Variants in DYNC2H1 observed in about 807,000 individuals in gnomAD.
DYNC2H1 encodes the protein dynein cytoplasmic 2 heavy chain 1.
A neutral mutation model predicts 570.0 loss-of-function variants in DYNC2H1; 410 were observed. The observed-to-expected ratio is 0.72, with a 90% CI of 0.66 to 0.78. The LOEUF (loss-of-function observed/expected upper bound fraction) is 0.78. Ranked by LOEUF, DYNC2H1 falls within the 30% of genes least tolerant of loss-of-function variation. The pLI is 0.00. For synonymous variants in DYNC2H1, 1,688 were observed against 1,677.6 expected, an observed-to-expected ratio of 1.01 and a Z score of -0.15; for missense variants, 4,865 against 5,046.4, an observed-to-expected ratio of 0.96 and a Z score of 1.09.
intron 71 of DYNC2H1, among the ~76,000 whole-genome samples, chr11:103,281,716 C>CAAA (rs71066145): frequency 3.0e-4 from 39 of 129,134 alleles, no homozygotes; most frequent in East Asian, 1.1e-3. Flanking sequence ...AATTCTATGG[C>CAAA]AAAAAAAAAA....
chr11:103,343,642 G>A (rs11225737), intron 82 of DYNC2H1, among the ~76,000 whole-genome samples: 32,939 of 151,984 alleles, frequency 0.22, 3,706 homozygotes, highest in Admixed American at 0.31. Context: ...GACAAAAGGC[G>A]TCACTCTTCC....
intron 83 of DYNC2H1, among the ~76,000 whole-genome samples, chr11:103,380,468 TAC>T (rs761284696): frequency 2.4e-4 from 36 of 152,336 alleles, no homozygotes; most frequent in Non-Finnish European, 5.0e-4. Flanking sequence ...GTACAGGTAT[TAC>T]AGTCTTCTTT....
At chr11:103,296,967 G>A (rs1866857411) in intron 75 of DYNC2H1, among the ~76,000 whole-genome samples, 1 of 151,712 alleles carries the variant, frequency 6.6e-6, no homozygotes, top group Non-Finnish European at 1.5e-5. Context: ...CTTCTTGTCT[G>A]CATGTCTTCT....
At chr11:103,405,934 T>C (rs760627863) in intron 84 of DYNC2H1, 2 of 152,032 alleles carry the variant, frequency 1.3e-5, no homozygotes, top group Non-Finnish European at 2.9e-5. Context: ...TGATTTCTCA[T>C]GTTGAATTGC....
chr11:103,379,722 A>G (rs2671385), intron 83 of DYNC2H1, among the ~76,000 whole-genome samples: 102,987 of 152,034 alleles, frequency 0.68, 34,969 homozygotes, highest in Admixed American at 0.73. Flanking sequence ...TGAACAAACC[A>G]TGACAGATTC....
intron 65 of DYNC2H1, among the ~76,000 whole-genome samples, chr11:103,251,381 T>C (rs1470206226): frequency 6.7e-6 from 1 of 148,980 alleles, no homozygotes. Context: ...ATTCTTTAAC[T>C]TTCAACTTTT....
chr11:103,120,439 C>T lies in DYNC2H1; in HGVS notation c.1000-8C>T. 3 of 1,596,822 alleles carry T rather than the reference C, an allele frequency of 1.9e-6. No individual in the cohort carries two copies. The highest frequency in any genetic ancestry group is 1.7e-6 in the Non-Finnish European group (2 of 1,170,732). The stretch of plus-strand genomic sequence containing the variant: ...AATAAATTCTGTTGTTTTAATACTT[C>T]ATTTTAGGTCTTGGCTATTAGAACA... On this transcript the variant is annotated splice_polypyrimidine_tract_variant and splice_region_variant and intron_variant, in intron 6 of 88. Coordinates refer to ENST00000375735, the MANE Select transcript of DYNC2H1 (RefSeq NM_001377.3).
chr11:103,398,634 G>A (rs528174120), intron 83 of DYNC2H1, among the ~76,000 whole-genome samples: 1 of 152,282 alleles, frequency 6.6e-6, no homozygotes, highest in South Asian at 2.1e-4. Context: ...TTAAGATAAT[G>A]AGTAGTAGGT....
At position 103,245,418 on chromosome 11, in the gene DYNC2H1, T is replaced by C; in HGVS notation, c.10042+44T>C. 3 of 1,522,264 alleles carry C rather than the reference T, an allele frequency of 2.0e-6. No individual in the cohort carries two copies. The highest frequency in any genetic ancestry group is 2.6e-6 in the Non-Finnish European group (3 of 1,137,328). 94.3% of individuals were successfully genotyped at this position (1,522,264 alleles called of 1,614,324 possible). A position where few individuals can be genotyped will look rare whatever the true frequency, so the allele number is the denominator to read the frequency against. ...CCAGAGTGTAAATATTTTTAAAATT[T>C]CCAAAGTAAGTAATTAAACCAGGTG... On this transcript the variant is annotated intron_variant, in intron 65 of 88. Transcript: ENST00000375735. The surrounding 1 kb of genome is among the most constrained non-coding windows in gnomAD (Gnocchi z 4.5).
intron 73 of DYNC2H1, among the ~76,000 whole-genome samples, chr11:103,284,993 G>A (rs2135349051): frequency 6.6e-6 from 1 of 152,256 alleles, no homozygotes; most frequent in East Asian, 1.9e-4. Flanking sequence ...TATTGAACGT[G>A]GAATAGAAAT....
rs142625723 is a variant in DYNC2H1, at chr11:103,256,808, C to A, written c.10461+568C>A. Among the ~76,000 whole-genome samples the A allele has an allele frequency of 2.6e-5, 4 of 152,112 alleles. No individual in the cohort carries two copies. The highest frequency in any genetic ancestry group is 5.9e-5 in the Non-Finnish European group (4 of 68,014). ...CTTCACATCAGAGATAGCCTGATAG[C>A]GCTGTGCTGTCTTGCGTTACCTTAA... On this transcript the variant is annotated intron_variant, in intron 68 of 88. Coordinates refer to ENST00000375735, the MANE Select transcript of DYNC2H1 (RefSeq NM_001377.3). This position sits in a 1 kb window ranked among gnomAD's most constrained non-coding sequence, Gnocchi z 4.0.
intron 82 of DYNC2H1, among the ~76,000 whole-genome samples, chr11:103,338,253 C>A (rs1939254522): frequency 6.6e-6 from 1 of 152,048 alleles, no homozygotes; most frequent in Non-Finnish European, 1.5e-5. Flanking sequence ...ATGCCCCTAC[C>A]ATGGTATTTT....
At chr11:103,301,702 A>G (rs1021204034) in intron 75 of DYNC2H1, among the ~76,000 whole-genome samples, 1 of 151,946 alleles carries the variant, frequency 6.6e-6, no homozygotes, top group African/African-American at 2.4e-5. Context: ...GTTGTGAAGA[A>G]CAGACAAGGG....
intron 61 of DYNC2H1, among the ~76,000 whole-genome samples, chr11:103,234,530 T>C (rs1297728286): frequency 6.6e-6 from 1 of 152,010 alleles, no homozygotes; most frequent in African/African-American, 2.4e-5. Context: ...TTTTATTATT[T>C]TGACTTTTTA....
At position 103,289,633 on chromosome 11, in the gene DYNC2H1, T is replaced by A. The variant is rs1289533783; in HGVS notation, c.11095+2028T>A. On this transcript the variant is annotated intron_variant, in intron 75 of 88. Transcript: ENST00000375735. The surrounding 1 kb of genome is among the most constrained non-coding windows in gnomAD (Gnocchi z 4.2). ...AAAATGAGCCAGGCACGGTGGCATG[T>A]GCCTGTAGTTCCAGCTACTCAGGAG... Among the ~76,000 whole-genome samples the A allele has an allele frequency of 2.6e-5, 4 of 152,048 alleles. No individual in the cohort carries two copies. The highest frequency in any genetic ancestry group is 5.9e-5 in the Non-Finnish European group (4 of 68,016).
At chr11:103,458,464 A>G (rs922831539) in intron 87 of DYNC2H1, among the ~76,000 whole-genome samples, 1 of 152,166 alleles carries the variant, frequency 6.6e-6, no homozygotes, top group African/African-American at 2.4e-5. Flanking sequence ...AATTCAAAAA[A>G]AAATTCAAAA....
intron 84 of DYNC2H1, among the ~76,000 whole-genome samples, chr11:103,408,816 G>A (rs548570073): frequency 1.2e-4 from 19 of 152,096 alleles, no homozygotes; most frequent in African/African-American, 4.3e-4. Context: ...TTTAGTTTAG[G>A]TTGTTCGGAG....
chr11:103,390,702 A>G (rs1942108144), intron 83 of DYNC2H1, among the ~76,000 whole-genome samples: 1 of 152,172 alleles, frequency 6.6e-6, no homozygotes, highest in South Asian at 2.1e-4. Context: ...GGTGGTGACA[A>G]AATCTCTCAG....
intron 24 of DYNC2H1, among the ~76,000 whole-genome samples, 154 bp downstream of exon 24, chr11:103,154,963 T>G (rs2134887756): frequency 6.6e-6 from 1 of 152,252 alleles, no homozygotes; most frequent in South Asian, 2.1e-4. Context: ...ACCATAGAAA[T>G]TATTGATATT....
Sources: allele counts gnomAD v4.1 joint callset (sites outside exome capture counted in the v4.1 genomes callset), GRCh38; gene constraint gnomAD v4.1.1; non-coding constraint Gnocchi (gnomAD v3.1); transcripts MANE v1.5; gene names NCBI Gene and HGNC (gene_info 2026-07-23, HGNC 2026-07-21).